KIAA1549: variants seen among roughly 807,000 people sequenced by gnomAD.
KIAA1549 encodes KIAA1549.
A neutral mutation model predicts 156.4 loss-of-function variants in KIAA1549; 70 were observed. The observed-to-expected ratio is 0.45, with a 90% confidence interval of 0.37 to 0.55. The LOEUF is 0.55. KIAA1549 is among the 20% of genes least tolerant of loss of function. The pLI is 0.00. For synonymous variants in KIAA1549, 1,103 were observed against 1,066.4 expected (o/e 1.03, Z -0.67); for missense variants, 2,428 against 2,540.9 (o/e 0.96, Z 0.96).
intron 12 of KIAA1549, among the ~76,000 whole-genome samples, chr7:138,877,074 A>C (rs74959567): frequency 0.12 from 18,623 of 152,164 alleles, 1,475 homozygotes; most frequent in East Asian, 0.22. Flanking sequence ...GTGAGAGGGA[A>C]CGCTGGTCCC....
intron 10 of KIAA1549, among the ~76,000 whole-genome samples, chr7:138,893,557 G>A (rs1412995241): frequency 6.6e-6 from 1 of 152,224 alleles, no homozygotes; most frequent in Non-Finnish European, 1.5e-5. Context: ...CTTGGGATAT[G>A]TTGAAGGATT....
intron 1 of KIAA1549, among the ~76,000 whole-genome samples, chr7:138,941,854 G>A (rs539330865): frequency 6.6e-6 from 1 of 152,280 alleles, no homozygotes; most frequent in African/African-American, 2.4e-5. Context: ...CCAGTAAGAT[G>A]AGGGAGCCTA....
intron 1 of KIAA1549, among the ~76,000 whole-genome samples, chr7:138,972,363 C>T (rs1334819939): frequency 1.4e-5 from 2 of 145,336 alleles, no homozygotes; most frequent in African/African-American, 2.6e-5. Context: ...CAATCCCTCC[C>T]GCCCTCCCCC....
At chr7:138,909,314 T>C (rs143763716) in intron 4 of KIAA1549, among the ~76,000 whole-genome samples, 193 bp from the exon 5 acceptor site, 1 of 152,238 alleles carries the variant, frequency 6.6e-6, no homozygotes, top group African/African-American at 2.4e-5. Context: ...AATGAAGACA[T>C]GCAATGTGAC....
Position 138,868,107 on chromosome 7 carries a change from G to C in KIAA1549, c.4797C>G (p.Pro1599=). ...PRKSSRIKRS[P]KPRRKHQVNG... is the part of the protein sequence containing the mutation. ...TGACCTGGTGTTTCCGGCGAGGCTT[G>C]GGAGAACGTTTTATCCGTGAGCTGC... The change falls in exon 15 of 20, where the codon CCC becomes CCG. Residue 1599 remains proline (P), a synonymous_variant. Coordinates refer to ENST00000422774, the MANE Select transcript of KIAA1549 (RefSeq NM_001164665.2). 1 of 1,613,556 alleles carries C rather than the reference G, an allele frequency of 6.2e-7. No homozygotes were observed.
At chr7:138,969,417 C>G (rs1313258401) in intron 1 of KIAA1549, among the ~76,000 whole-genome samples, 2 of 152,186 alleles carry the variant, frequency 1.3e-5, no homozygotes, top group Non-Finnish European at 2.9e-5. Flanking sequence ...TCTCACTTGG[C>G]ATAACGTCTT....
At position 138,836,375 on chromosome 7, in the gene KIAA1549, G is replaced by A. The variant is rs1809707863; in HGVS notation, c.*1531C>T. ...ATAGGCCATGCCACACAGCCCAGGT[G>A]TGTAGTAGGCTATACCATGTAGGTT... is the stretch of plus-strand genomic sequence containing the variant. On this transcript the variant is annotated 3_prime_UTR_variant, in exon 20 of 20. Transcript: ENST00000422774. 1 of 214,238 alleles carries A rather than the reference G, an allele frequency of 4.7e-6. No individual in the cohort carries two copies. Among genetic ancestry groups the A allele is most frequent in the East Asian group, 7.0e-5 (1 of 14,378 alleles). 13.3% of individuals were successfully genotyped at this position (214,238 alleles called of 1,614,324 possible).
chr7:138,867,953 A>G, intron 15 of KIAA1549, 22 bp downstream of exon 15: 1 of 1,609,314 alleles, frequency 6.2e-7, no homozygotes, highest in Non-Finnish European at 8.5e-7. Flanking sequence ...GAGTTCCAGA[A>G]ACTGGAGTCG....
chr7:138,839,779 T>C (rs1257512668), intron 19 of KIAA1549, among the ~76,000 whole-genome samples: 1 of 54,746 alleles, frequency 1.8e-5, no homozygotes, highest in African/African-American at 6.7e-5. Context: ...GGATTATGTC[T>C]TTTTTTTTTT....
Position 138,840,080 on chromosome 7 carries a change from G to A in KIAA1549, c.5598+53C>T, listed in dbSNP as rs570100274. The A allele has an allele frequency of 1.3e-5, 20 of 1,483,874 alleles. No individual in the cohort carries two copies. The East Asian group carries it at 2.3e-4, about 17-fold the overall frequency. 91.9% of individuals were successfully genotyped at this position (1,483,874 alleles called of 1,614,324 possible). A position where few individuals can be genotyped will look rare whatever the true frequency, so the allele number is the denominator to read the frequency against. On this transcript the variant is annotated intron_variant, in intron 19 of 19. Transcript: ENST00000422774. ...GCTGGGATTACAGGTGTGAGCCACC[G>A]CACCTGGCCTATGTCTAAATTTTAA... is the stretch of plus-strand genomic sequence containing the variant.
intron 1 of KIAA1549, among the ~76,000 whole-genome samples, chr7:138,978,191 TAAC>T (rs1229609873): frequency 6.6e-6 from 1 of 152,214 alleles, no homozygotes; most frequent in African/African-American, 2.4e-5. Context: ...TTTTTAATGT[TAAC>T]AACAAAAAAA....
chr7:138,861,925 G>A (rs1810597549), intron 15 of KIAA1549, among the ~76,000 whole-genome samples: 1 of 152,018 alleles, frequency 6.6e-6, no homozygotes, highest in South Asian at 2.1e-4. Flanking sequence ...ATGCGAAGGA[G>A]AGGGGAGGCT....
At chr7:138,854,975 G>A (rs1810342191) in intron 16 of KIAA1549, among the ~76,000 whole-genome samples, 1 of 152,172 alleles carries the variant, frequency 6.6e-6, no homozygotes, top group Non-Finnish European at 1.5e-5. Context: ...CAGTGGTCAA[G>A]GGGGAAACAA....
intron 2 of KIAA1549, among the ~76,000 whole-genome samples, chr7:138,915,421 G>A (rs989261961): frequency 5.3e-5 from 8 of 151,974 alleles, no homozygotes; most frequent in African/African-American, 1.5e-4. Context: ...CTTGCCATGT[G>A]GAATAACGAA....
chr7:138,954,710 G>A lies in KIAA1549; in HGVS notation c.187+26373C>T, dbSNP rs530909686. ...CTCCAGGCTCACGGAAGCCTCTGCC[G>A]CTCGTGGAGAGGTACCTGGCCCGTG... On this transcript the variant is annotated intron_variant, in intron 1 of 19. Coordinates refer to ENST00000422774, the MANE Select transcript of KIAA1549 (RefSeq NM_001164665.2). 3.2e-4 allele frequency among the ~76,000 whole-genome samples: 49 copies of A among 152,270 alleles called. 1 individual carries two copies. The highest frequency in any genetic ancestry group is 1.2e-3 in the Admixed American group (19 of 15,300).
chr7:138,912,422 C>T lies in KIAA1549; in HGVS notation c.2917G>A (p.Ala973Thr), dbSNP rs1812196190. The change falls in exon 3 of 20, where the codon GCA becomes ACA. Residue 973 changes from alanine (A) to threonine (T), a missense_variant. Physicochemically the swap from Ala to Thr is moderately conservative, Grantham distance 58 (BLOSUM62 0). Transcript: ENST00000422774. ...RRAVQEYIIT[A>T]IKEVLRIHFN... Reference sequence around the variant, plus strand: ...TGAATCCTCAGTACTTCTTTGATTGCTGTAATGATGTACTCCTGCACAGCT... The same window carrying T: ...TGAATCCTCAGTACTTCTTTGATTGTTGTAATGATGTACTCCTGCACAGCT... The T allele has an allele frequency of 6.2e-7, 1 of 1,613,890 alleles. No homozygotes were observed. The highest frequency in any genetic ancestry group is 1.1e-5 in the South Asian group (1 of 91,080).
intron 17 of KIAA1549, among the ~76,000 whole-genome samples, chr7:138,845,256 A>C (rs925116577): frequency 2.0e-5 from 3 of 152,170 alleles, no homozygotes; most frequent in East Asian, 1.9e-4. Context: ...CCCTCAAAAA[A>C]AAGTAGTGAG....
intron 17 of KIAA1549, among the ~76,000 whole-genome samples, chr7:138,851,320 T>C (rs1026692801): frequency 6.6e-6 from 1 of 152,168 alleles, no homozygotes; most frequent in African/African-American, 2.4e-5. Context: ...TTATTTTATA[T>C]TTAAGCATTC....
intron 3 of KIAA1549, among the ~76,000 whole-genome samples, 179 bp from the exon 4 acceptor site, chr7:138,911,502 A>G (rs1042323790): frequency 3.3e-5 from 5 of 152,250 alleles, no homozygotes; most frequent in African/African-American, 9.6e-5. Context: ...TGCAAAAACA[A>G]CACAAAATTA....
Sources: gnomAD v4.1 joint callset for allele counts (sites outside exome capture counted in the v4.1 genomes callset) on GRCh38, gnomAD v4.1.1 for gene constraint, MANE v1.5 for transcripts, NCBI Gene and HGNC (gene_info 2026-07-23, HGNC 2026-07-21) for gene names.